The following CSMD1 variants were observed in gnomAD, a reference collection of about 807,000 sequenced individuals.
CSMD1 encodes the protein CUB and Sushi multiple domains 1.
A neutral mutation model predicts 417.5 loss-of-function variants in CSMD1; 213 were observed. The observed-to-expected ratio is 0.51, with a 90% CI of 0.46 to 0.57. The LOEUF (loss-of-function observed/expected upper bound fraction) is 0.57, where lower values mean the gene tolerates loss of function less well. CSMD1 is among the 20% of genes least tolerant of loss of function. CSMD1 has a pLI of 0.00. For synonymous variants in CSMD1, 2,862 were observed against 1,736.8 expected (o/e 1.65, Z -16.11); for missense variants, 6,923 against 4,529.7 (o/e 1.53, Z -15.17).
At chr8:4,758,626 C>T (rs1811824267) in intron 1 of CSMD1, among the ~76,000 whole-genome samples, 1 of 152,164 alleles carries the variant, frequency 6.6e-6, no homozygotes, top group Non-Finnish European at 1.5e-5. Flanking sequence ...GACTCAGTTC[C>T]ACATGGCTGG....
At chr8:4,428,506 C>T (rs1020134128) in intron 2 of CSMD1, among the ~76,000 whole-genome samples, 2 of 152,146 alleles carry the variant, frequency 1.3e-5, no homozygotes, top group African/African-American at 4.8e-5. Context: ...GTATCTCTCT[C>T]TACATGTCAG....
chr8:3,347,565 A>G (rs1161233232), intron 22 of CSMD1, among the ~76,000 whole-genome samples: 2 of 152,216 alleles, frequency 1.3e-5, no homozygotes, highest in Non-Finnish European at 2.9e-5. Flanking sequence ...GATTAACTAC[A>G]GAAAGGGTTG....
intron 47 of CSMD1, among the ~76,000 whole-genome samples, chr8:3,094,902 A>T (rs1415783946): frequency 6.6e-6 from 1 of 152,158 alleles, no homozygotes; most frequent in Non-Finnish European, 1.5e-5. Flanking sequence ...TATTCACATA[A>T]AACTCTGACC....
chr8:3,533,732 C>G (rs1798074272), intron 10 of CSMD1, among the ~76,000 whole-genome samples: 1 of 152,208 alleles, frequency 6.6e-6, no homozygotes, highest in Admixed American at 6.5e-5. Flanking sequence ...GAACTCAGTA[C>G]TAAGCTCCAA....
rs1464095075 is a variant in CSMD1 at position 4,398,647 on chromosome 8, G to A, written c.415+21306C>T. On this transcript the variant is annotated intron_variant, in intron 3 of 69. Transcript: ENST00000635120. ...CCTGACCTCCTGATCTGCCCCTCTT[G>A]GCCTCCCAAAGTGCTGGGATTACAG... Among the ~76,000 whole-genome samples the A allele has an allele frequency of 4.6e-5, 7 of 151,996 alleles. No homozygotes were observed. The South Asian group carries it at 1.0e-3, about 23-fold the overall frequency.
intron 3 of CSMD1, among the ~76,000 whole-genome samples, chr8:4,277,898 C>T (rs533978381): frequency 3.0e-4 from 46 of 152,216 alleles, no homozygotes; most frequent in African/African-American, 1.0e-3. Flanking sequence ...CAGGCGCCCA[C>T]CACCATCCCC....
At chr8:3,930,598 C>A (rs928111563) in intron 5 of CSMD1, among the ~76,000 whole-genome samples, 1 of 150,260 alleles carries the variant, frequency 6.7e-6, no homozygotes, top group Non-Finnish European at 1.5e-5. Context: ...CCAAAGGAAA[C>A]GGGACACAGC....
At chr8:4,250,015 G>A (rs1022266646) in intron 3 of CSMD1, among the ~76,000 whole-genome samples, 3 of 152,040 alleles carry the variant, frequency 2.0e-5, no homozygotes, top group Non-Finnish European at 4.4e-5. Flanking sequence ...GGTCATAAGG[G>A]CTCTGTACCC....
intron 2 of CSMD1, among the ~76,000 whole-genome samples, chr8:4,524,565 T>A (rs1796413816): frequency 7.9e-6 from 1 of 125,814 alleles, no homozygotes; most frequent in Admixed American, 1.0e-4. Context: ...TCATCACACT[T>A]GGTCTTTTTT....
intron 18 of CSMD1, among the ~76,000 whole-genome samples, chr8:3,370,553 G>C (rs1809881693): frequency 6.6e-6 from 1 of 152,222 alleles, no homozygotes; most frequent in African/African-American, 2.4e-5. Flanking sequence ...GCTGGTAAGA[G>C]GCCGGTCATG....
intron 23 of CSMD1, among the ~76,000 whole-genome samples, chr8:3,337,031 C>G (rs1371800172): frequency 6.6e-6 from 1 of 152,072 alleles, no homozygotes; most frequent in Non-Finnish European, 1.5e-5. Flanking sequence ...TGAACTGTAA[C>G]TTTCTGGGGA....
chr8:4,566,954 G>T (rs1303292047), intron 2 of CSMD1, among the ~76,000 whole-genome samples: 1 of 145,128 alleles, frequency 6.9e-6, no homozygotes, highest in Non-Finnish European at 1.5e-5. Context: ...TAGCAATCGA[G>T]ACTTTAGCAG....
At chr8:4,051,807 T>G (rs920020856) in intron 3 of CSMD1, among the ~76,000 whole-genome samples, 10 of 152,172 alleles carry the variant, frequency 6.6e-5, no homozygotes, top group African/African-American at 2.4e-4. Flanking sequence ...CATACAATAC[T>G]GACAGTTTTC....
chr8:3,271,093 A>C (rs13248869), intron 26 of CSMD1, among the ~76,000 whole-genome samples: 33,865 of 101,548 alleles, frequency 0.33, 4,698 homozygotes, highest in African/African-American at 0.42. Context: ...CCCACCCCAC[A>C]ACAGTCCCCA....
At chr8:4,103,083 C>G (rs1801388287) in intron 3 of CSMD1, among the ~76,000 whole-genome samples, 1 of 152,132 alleles carries the variant, frequency 6.6e-6, no homozygotes, top group African/African-American at 2.4e-5. Context: ...TGGTTTTGAG[C>G]TCCAGACAGT....
chr8:3,591,786 T>A (rs150177283), intron 8 of CSMD1, among the ~76,000 whole-genome samples: 1 of 151,954 alleles, frequency 6.6e-6, no homozygotes, highest in African/African-American at 2.4e-5. Flanking sequence ...GATGGATGGA[T>A]AGATGGAAAG....
At chr8:3,826,997 G>T (rs1368051230) in intron 5 of CSMD1, among the ~76,000 whole-genome samples, 2 of 152,004 alleles carry the variant, frequency 1.3e-5, no homozygotes, top group African/African-American at 2.4e-5. Context: ...GCCCAAGCTG[G>T]TCTTGAACTC....
At chr8:3,549,837 T>G (rs977896774) in intron 10 of CSMD1, among the ~76,000 whole-genome samples, 6 of 152,174 alleles carry the variant, frequency 3.9e-5, no homozygotes, top group Non-Finnish European at 8.8e-5. Context: ...TTTCAGGTAT[T>G]CTGTTACAAG....
intron 12 of CSMD1, among the ~76,000 whole-genome samples, chr8:3,465,140 G>A (rs1816725103): frequency 6.6e-6 from 1 of 152,046 alleles, no homozygotes; most frequent in African/African-American, 2.4e-5. Flanking sequence ...TTTGCTGCTG[G>A]GGCCTCACCA....
Sources: allele counts gnomAD v4.1 joint callset (sites outside exome capture counted in the v4.1 genomes callset), GRCh38; gene constraint gnomAD v4.1.1; transcripts MANE v1.5; gene names NCBI Gene and HGNC (gene_info 2026-07-23, HGNC 2026-07-21).